FAM135B: variants seen among roughly 807,000 people sequenced by gnomAD.
The protein encoded by FAM135B is family with sequence similarity 135 member B.
FAM135B carries 43 observed loss-of-function variants against 127.7 expected under a neutral mutation model. That is an observed-to-expected ratio of 0.34 (90% confidence interval 0.26 to 0.43). The LOEUF is 0.43. FAM135B is among the 20% of genes least tolerant of loss of function. The pLI is 1.00. For missense variants in FAM135B, 1,558 were observed against 1,725.6 expected (o/e 0.90, Z 1.72); for synonymous variants, 670 against 665.1 (o/e 1.01, Z -0.11).
chr8:138,436,831 T>C (rs1017942887), intron 1 of FAM135B: 3 of 152,204 alleles, frequency 2.0e-5, no homozygotes, highest in Admixed American at 6.5e-5. Flanking sequence ...TTCTGTACAA[T>C]GGAGATGAGA....
At chr8:138,249,169 T>A (rs1821520974) in intron 6 of FAM135B, among the ~76,000 whole-genome samples, 2 of 152,288 alleles carry the variant, frequency 1.3e-5, no homozygotes, top group South Asian at 4.1e-4. Context: ...CCCTTAACTC[T>A]GTGTTGAGGA....
At position 138,256,760 on chromosome 8, in the gene FAM135B, C is replaced by A. The variant is rs1822128395; in HGVS notation, c.298-1G>T. 6.2e-7 allele frequency: 1 copy of A among 1,613,186 alleles called. No homozygotes were observed. Among genetic ancestry groups the A allele is most frequent in the Admixed American group, 1.7e-5 (1 of 59,978 alleles). On this transcript the variant is annotated splice_acceptor_variant, in intron 4 of 19. Transcript: ENST00000395297. LOFTEE classifies it high-confidence loss of function. ...CTACTTCACTCAGTGCGTCTTCCAT[C>A]TGCAAAAGAAACAAAGTCCAAGGGA...
chr8:138,159,425 T>TA (rs985133703), intron 12 of FAM135B, among the ~76,000 whole-genome samples: 2 of 150,762 alleles, frequency 1.3e-5, no homozygotes, highest in African/African-American at 4.9e-5. Flanking sequence ...TATGCATCCA[T>TA]AAAAAAGGAT....
chr8:138,488,565 C>T (rs544867012), intron 1 of FAM135B, among the ~76,000 whole-genome samples: 17 of 152,194 alleles, frequency 1.1e-4, no homozygotes, highest in African/African-American at 4.1e-4. Flanking sequence ...ATGATCTGTC[C>T]CAACCAGCAG....
At chr8:138,254,035 C>G (rs765936507) in intron 5 of FAM135B, among the ~76,000 whole-genome samples, 1 of 152,188 alleles carries the variant, frequency 6.6e-6, no homozygotes, top group South Asian at 2.1e-4. Context: ...CACATTGAAG[C>G]CTGGCCTCAC....
In FAM135B at chr8:138,152,867, A is replaced by C; in HGVS notation, c.1608T>G (p.Thr536=). Residue 536 remains threonine (T), a synonymous_variant, in exon 13 of 20, where the codon ACT becomes ACG. Transcript: ENST00000395297. ...AGTYPVADVD[T]SRRSPGPEDG... ...CCTCTGGACCTGGACTCCTTCTAGA[A>C]GTATCCACATCTGCCACTGGATATG... 6.2e-7 allele frequency: 1 copy of C among 1,614,234 alleles called. No homozygotes were observed. The highest frequency in any genetic ancestry group is 2.2e-5 in the East Asian group (1 of 44,892).
chr8:138,281,099 G>GA (rs1025761839), intron 3 of FAM135B, among the ~76,000 whole-genome samples: 10 of 151,690 alleles, frequency 6.6e-5, no homozygotes, highest in South Asian at 2.1e-4. Context: ...ATTTTAGGTG[G>GA]AAAAAAAACA....
chr8:138,225,630 A>C (rs1819366781), intron 7 of FAM135B, among the ~76,000 whole-genome samples: 1 of 152,158 alleles, frequency 6.6e-6, no homozygotes, highest in South Asian at 2.1e-4. Flanking sequence ...AGACACATAG[A>C]TTAAGGTCCA....
Position 138,243,294 on chromosome 8 carries a change from A to G in FAM135B, c.543-226T>C, listed in dbSNP as rs1270722470. 4.6e-5 allele frequency among the ~76,000 whole-genome samples: 7 copies of G among 152,204 alleles called. No individual in the cohort carries two copies. Among genetic ancestry groups the G allele is most frequent in the Admixed American group, 4.6e-4 (7 of 15,280 alleles). On this transcript the variant is annotated intron_variant, in intron 6 of 19. Transcript: ENST00000395297. This position sits in a 1 kb window ranked among gnomAD's most constrained non-coding sequence, Gnocchi z 7.5. ...AGTCAATGATGATACACATCCTACA[A>G]TGTGTGCATGTAAATGCCCACCCTA... is the stretch of plus-strand genomic sequence containing the variant.
chr8:138,130,117 T>C lies in FAM135B; in HGVS notation c.*2476A>G, dbSNP rs1167699386. On this transcript the variant is annotated 3_prime_UTR_variant, in exon 20 of 20. Coordinates refer to ENST00000395297, the MANE Select transcript of FAM135B (RefSeq NM_015912.4). Reference sequence around the variant, plus strand: ...AAAAATTACGCAGAGAATGAAGACATACAAGACCATTATCTTGGCAGGCAT... The same window carrying C: ...AAAAATTACGCAGAGAATGAAGACACACAAGACCATTATCTTGGCAGGCAT... The C allele has an allele frequency of 6.6e-6, 1 of 151,908 alleles. No homozygotes were observed. The highest frequency in any genetic ancestry group is 1.5e-5 in the Non-Finnish European group (1 of 67,980). 9.4% of individuals were successfully genotyped at this position (151,908 alleles called of 1,614,324 possible). A position where few individuals can be genotyped will look rare whatever the true frequency, so the allele number is the denominator to read the frequency against.
At chr8:138,148,403 T>A in intron 14 of FAM135B, 117 bp downstream of exon 14, 1 of 823,496 alleles carries the variant, frequency 1.2e-6, no homozygotes, top group Non-Finnish European at 1.9e-6. Flanking sequence ...ATTACTGTCA[T>A]TCCACAGTTG....
At position 138,151,550 on chromosome 8, in the gene FAM135B, G is replaced by T. The variant is rs1274921106; in HGVS notation, c.2925C>A (p.Phe975Leu). 6.2e-7 allele frequency: 1 copy of T among 1,614,222 alleles called. No homozygotes were observed. The highest frequency in any genetic ancestry group is 8.5e-7 in the Non-Finnish European group (1 of 1,180,042). Residue 975 changes from phenylalanine to leucine, a missense_variant, in exon 13 of 20, where the codon TTC becomes TTA. Transcript: ENST00000395297. ...TGCCTGCTTTATGTTTAGCCTCCGG[G>T]AAGGCATTCACTCCTCTATTAAATG... ...DTAFNRGVNA[F>L]PEAKHKAGTV...
chr8:138,207,653 C>A (rs1294930388), intron 7 of FAM135B, among the ~76,000 whole-genome samples: 3 of 152,180 alleles, frequency 2.0e-5, no homozygotes, highest in Non-Finnish European at 1.5e-5. Context: ...TAGGAAGGCA[C>A]ATACTGTGGG....
At chr8:138,236,463 TC>T (rs1461334306) in intron 7 of FAM135B, among the ~76,000 whole-genome samples, 1 of 151,734 alleles carries the variant, frequency 6.6e-6, no homozygotes, top group African/African-American at 2.4e-5. Flanking sequence ...ATCACATCCT[TC>T]CAAAGAAGGA....
rs1477962769 is a variant in FAM135B, at chr8:138,265,458, C to A, written c.297+245G>T. On this transcript the variant is annotated intron_variant, in intron 4 of 19. Transcript: ENST00000395297. The stretch of plus-strand genomic sequence containing the variant: ...GGGCAAATGAGGAGGGAAGAAGAGA[C>A]CCAGTAAATGAGTCAATGGAGACTG... Among the ~76,000 whole-genome samples, 4 of 152,156 alleles carry A rather than the reference C, an allele frequency of 2.6e-5. No individual in the cohort carries two copies. The East Asian group carries it at 5.8e-4, about 22-fold the overall frequency.
At chr8:138,338,976 T>A (rs1828828890) in intron 2 of FAM135B, among the ~76,000 whole-genome samples, 1 of 151,912 alleles carries the variant, frequency 6.6e-6, no homozygotes, top group Admixed American at 6.6e-5. Context: ...TGGATGAAGC[T>A]GGAAACCATC....
chr8:138,321,622 T>C (rs747267456), intron 2 of FAM135B, among the ~76,000 whole-genome samples: 5 of 152,142 alleles, frequency 3.3e-5, no homozygotes, highest in Admixed American at 2.6e-4. Flanking sequence ...TCCTCAGGTA[T>C]AAATGGGGAT....
At chr8:138,299,096 T>C (rs1825684811) in intron 3 of FAM135B, among the ~76,000 whole-genome samples, 1 of 148,014 alleles carries the variant, frequency 6.8e-6, no homozygotes, top group African/African-American at 2.5e-5. Context: ...AATAAATAAA[T>C]AAATAAATAA....
intron 13 of FAM135B, among the ~76,000 whole-genome samples, chr8:138,149,834 G>A (rs76414921): frequency 6.6e-6 from 1 of 152,082 alleles, no homozygotes; most frequent in African/African-American, 2.4e-5. Flanking sequence ...CCCAGTCACT[G>A]CCCTCATCTA....
Sources: allele counts gnomAD v4.1 joint callset (sites outside exome capture counted in the v4.1 genomes callset), GRCh38; gene constraint gnomAD v4.1.1; non-coding constraint Gnocchi (gnomAD v3.1); transcripts MANE v1.5; gene names NCBI Gene and HGNC (gene_info 2026-07-23, HGNC 2026-07-21).